Variants in PCCA observed in about 807,000 individuals in gnomAD.
PCCA encodes propionyl-CoA carboxylase alpha chain, mitochondrial.
Under a neutral mutation model 101.3 loss-of-function variants are expected in PCCA, and 74 were observed. The ratio of observed to expected loss-of-function variants is 0.73; its 90% CI spans 0.61 to 0.89. The LOEUF (loss-of-function observed/expected upper bound fraction) is 0.89, where lower values mean the gene tolerates loss of function less well. PCCA is among the 40% of genes least tolerant of loss of function. The probability of loss-of-function intolerance (pLI) is 0.00; values close to 1 mark genes in which losing one functional copy is unlikely to be tolerated. For synonymous variants in PCCA, 294 were observed against 313.6 expected (o/e 0.94, Z 0.66); for missense variants, 891 against 907.0 (o/e 0.98, Z 0.23).
intron 17 of PCCA, among the ~76,000 whole-genome samples, chr13:100,339,392 A>G (rs1213398438): frequency 6.6e-6 from 1 of 152,174 alleles, no homozygotes; most frequent in African/African-American, 2.4e-5. Context: ...TACTATCTAT[A>G]TGTAGTACTC....
intron 1 of PCCA, among the ~76,000 whole-genome samples, chr13:100,093,197 C>A (rs1259854765): frequency 6.6e-6 from 1 of 152,122 alleles, no homozygotes; most frequent in African/African-American, 2.4e-5. Flanking sequence ...GTTAGATGCC[C>A]GCAGGAGCCA....
At chr13:100,466,615 T>C (rs1009928092) in intron 21 of PCCA, among the ~76,000 whole-genome samples, 8 of 152,128 alleles carry the variant, frequency 5.3e-5, no homozygotes, top group Non-Finnish European at 8.8e-5. Flanking sequence ...AAAGAATTAG[T>C]GGATAGGTTC....
intron 12 of PCCA, among the ~76,000 whole-genome samples, chr13:100,290,419 C>T (rs1207848072): frequency 6.6e-6 from 1 of 152,044 alleles, no homozygotes; most frequent in Non-Finnish European, 1.5e-5. Context: ...CACTTTGTTG[C>T]CCAGCCTGGT....
At chr13:100,506,731 C>CA (rs1331723950) in intron 21 of PCCA, among the ~76,000 whole-genome samples, 2 of 152,088 alleles carry the variant, frequency 1.3e-5, no homozygotes, top group Non-Finnish European at 2.9e-5. Context: ...TTCATTCTGA[C>CA]AGCATGACTT....
intron 21 of PCCA, among the ~76,000 whole-genome samples, chr13:100,484,190 C>T (rs2084179454): frequency 6.6e-6 from 1 of 152,092 alleles, no homozygotes; most frequent in Non-Finnish European, 1.5e-5. Flanking sequence ...ATAAGTAGCT[C>T]ATATCCGGTC....
At chr13:100,152,358 C>CTT (rs5806152) in intron 4 of PCCA, among the ~76,000 whole-genome samples, 17 of 138,474 alleles carry the variant, frequency 1.2e-4, no homozygotes, top group Admixed American at 7.8e-4. Flanking sequence ...TTGGAGCACT[C>CTT]TTTTTTTTTT....
rs751083923 is a variant in PCCA, at chr13:100,425,705, G to A, written c.1819G>A (p.Val607Ile). 8.7e-6 allele frequency: 14 copies of A among 1,613,404 alleles called. No individual in the cohort carries two copies. Among genetic ancestry groups the A allele is most frequent in the Admixed American group, 1.7e-5 (1 of 59,998 alleles). ...GGCTTCGCCCTTATTGTCTGTCAGC[G>A]TTGATGGCACTCAGAGGACTGTCCA... ...NLASPLLSVS[V>I]DGTQRTVQCL... Residue 607 changes from valine to isoleucine, a missense_variant, in exon 20 of 24, where the codon GTT becomes ATT. By Grantham distance (29) the Val-to-Ile change is conservative. Transcript: ENST00000376285.
chr13:100,401,080 A>G (rs1295172254), intron 19 of PCCA, among the ~76,000 whole-genome samples: 2 of 152,048 alleles, frequency 1.3e-5, no homozygotes, highest in South Asian at 2.1e-4. Context: ...CATATTTCAG[A>G]CTATTGTTTC....
At chr13:100,469,324 A>T in intron 21 of PCCA, among the ~76,000 whole-genome samples, 1 of 152,120 alleles carries the variant, frequency 6.6e-6, no homozygotes, top group Non-Finnish European at 1.5e-5. Context: ...GCAAAGAGGA[A>T]CAAAGGAAAG....
chr13:100,092,081 C>T (rs9518002), intron 1 of PCCA, among the ~76,000 whole-genome samples: 62,214 of 151,724 alleles, frequency 0.41, 13,835 homozygotes, highest in Middle Eastern at 0.59. Flanking sequence ...CCACCACCAC[C>T]GGCTAATTTT....
At chr13:100,248,180 A>G (rs903708106) in intron 8 of PCCA, among the ~76,000 whole-genome samples, 50 of 152,032 alleles carry the variant, frequency 3.3e-4, no homozygotes, top group African/African-American at 1.1e-3. Flanking sequence ...AGTTTAGTCC[A>G]TTTATATTTA....
chr13:100,280,096 T>C lies in PCCA; in HGVS notation c.1065+6750T>C, dbSNP rs1241738480. 2.6e-5 allele frequency among the ~76,000 whole-genome samples: 4 copies of C among 151,942 alleles called. No homozygotes were observed. The East Asian group carries it at 7.7e-4, about 29-fold the overall frequency. On this transcript the variant is annotated intron_variant, in intron 12 of 23. Coordinates refer to ENST00000376285, the MANE Select transcript of PCCA (RefSeq NM_000282.4). ...AAATTTGAAATAACAATACAGTTTC[T>C]CCATAAAGAGATGCAACACTAAGAA...
chr13:100,493,918 C>T (rs9585451), intron 21 of PCCA, among the ~76,000 whole-genome samples: 1,599 of 152,280 alleles, frequency 0.011, 26 homozygotes, highest in African/African-American at 0.036. Flanking sequence ...TGGCTGGGCG[C>T]GGTGGCTCAC....
chr13:100,508,527 A>T (rs1442902388), intron 21 of PCCA, among the ~76,000 whole-genome samples: 1 of 152,238 alleles, frequency 6.6e-6, no homozygotes, highest in African/African-American at 2.4e-5. Context: ...CAATGTATTG[A>T]CATTATCAAT....
chr13:100,095,876 G>A (rs1437572153), intron 1 of PCCA, among the ~76,000 whole-genome samples: 1 of 152,096 alleles, frequency 6.6e-6, no homozygotes, highest in African/African-American at 2.4e-5. Context: ...AAAGACGTTT[G>A]TGACTAGTAC....
At chr13:100,364,277 T>C (rs2074945192) in intron 18 of PCCA, among the ~76,000 whole-genome samples, 1 of 152,286 alleles carries the variant, frequency 6.6e-6, no homozygotes, top group African/African-American at 2.4e-5. Context: ...TGTCAGAGAG[T>C]TGTTCATAAA....
chr13:100,089,780 T>C lies in PCCA; in HGVS notation c.105+555T>C, dbSNP rs1323000319. On this transcript the variant is annotated intron_variant, in intron 1 of 23. Coordinates refer to ENST00000376285, the MANE Select transcript of PCCA (RefSeq NM_000282.4). ...GTTTTAATTGTATGACACCCCAGTC[T>C]ACTGTGTACCAAATGCATCCCGTGA... Among the ~76,000 whole-genome samples, 4 of 152,230 alleles carry C rather than the reference T, an allele frequency of 2.6e-5. No individual in the cohort carries two copies. The East Asian group carries it at 7.7e-4, about 29-fold the overall frequency.
intron 6 of PCCA, among the ~76,000 whole-genome samples, chr13:100,195,255 T>C (rs2058034744): frequency 6.6e-6 from 1 of 152,178 alleles, no homozygotes. Context: ...TCTTACCTTC[T>C]TCTTACCTCA....
chr13:100,422,123 C>CTTTCT (rs1567109704), intron 19 of PCCA, among the ~76,000 whole-genome samples: 16 of 56,318 alleles, frequency 2.8e-4, no homozygotes, highest in Non-Finnish European at 6.0e-4. Context: ...TCTTTCTTTT[C>CTTTCT]TTTCTTTCTT....
Sources: gnomAD v4.1 joint callset for allele counts (sites outside exome capture counted in the v4.1 genomes callset) on GRCh38, gnomAD v4.1.1 for gene constraint, MANE v1.5 for transcripts, NCBI Gene and HGNC (gene_info 2026-07-23, HGNC 2026-07-21) for gene names.